The following PPP1CB variants were observed in gnomAD, a reference collection of about 807,000 sequenced individuals.
PPP1CB encodes serine/threonine-protein phosphatase PP1-beta catalytic subunit.
Under a neutral mutation model 43.7 loss-of-function variants are expected in PPP1CB, and 2 were observed. The observed-to-expected ratio is 0.05, with a 90% CI of 0.02 to 0.14. The LOEUF (loss-of-function observed/expected upper bound fraction) is 0.14. PPP1CB is among the 10% of genes least tolerant of loss of function. PPP1CB has a pLI of 1.00. For synonymous variants in PPP1CB, 136 were observed against 135.6 expected (o/e 1.00, Z -0.02); for missense variants, 84 against 398.0 (o/e 0.21, Z 6.71).
At chr2:28,787,304 A>C (rs1464921149) in intron 5 of PPP1CB, among the ~76,000 whole-genome samples, 1 of 151,994 alleles carries the variant, frequency 6.6e-6, no homozygotes, top group Non-Finnish European at 1.5e-5. Context: ...CTAAAAATAC[A>C]AAAAATTAGC....
At chr2:28,795,635 C>T (rs762654737) in intron 7 of PPP1CB, among the ~76,000 whole-genome samples, 8 of 152,000 alleles carry the variant, frequency 5.3e-5, no homozygotes, top group East Asian at 1.9e-4. Context: ...TGTCCTTTGC[C>T]CATTTTTAAT....
At chr2:28,777,115 TA>T (rs1667059173) in intron 2 of PPP1CB, 133 bp downstream of exon 2, 2 of 935,216 alleles carry the variant, frequency 2.1e-6, no homozygotes, top group Non-Finnish European at 3.1e-6. Context: ...TAAAAGTGTA[TA>T]AAAATTGAAA....
chr2:28,779,096 T>C, intron 3 of PPP1CB, 57 bp downstream of exon 3: 2 of 1,353,036 alleles, frequency 1.5e-6, no homozygotes, highest in Non-Finnish European at 2.0e-6. Flanking sequence ...CTAATAATTT[T>C]CTGGTTCAGA....
chr2:28,789,267 C>T (rs1190739294), intron 6 of PPP1CB, among the ~76,000 whole-genome samples: 4 of 151,796 alleles, frequency 2.6e-5, no homozygotes, highest in African/African-American at 9.7e-5. Context: ...AGCACTTTGG[C>T]AAGCTGAGAT....
chr2:28,767,054 C>T (rs1666793305), intron 1 of PPP1CB, among the ~76,000 whole-genome samples: 1 of 151,318 alleles, frequency 6.6e-6, no homozygotes, highest in African/African-American at 2.4e-5. Context: ...GCAGTCCAGC[C>T]TGGGCAACAG....
intron 1 of PPP1CB, among the ~76,000 whole-genome samples, chr2:28,762,453 G>T (rs1179280502): frequency 2.0e-5 from 3 of 152,094 alleles, no homozygotes; most frequent in Non-Finnish European, 4.4e-5. Flanking sequence ...TCTCTGTTTT[G>T]TTTCAGTCTT....
At chr2:28,768,595 T>C (rs974577700) in intron 1 of PPP1CB, among the ~76,000 whole-genome samples, 2 of 152,198 alleles carry the variant, frequency 1.3e-5, no homozygotes, top group African/African-American at 4.8e-5. Context: ...GGCCCCATCA[T>C]GACCACTGCC....
rs780026494 is a variant in PPP1CB, at chr2:28,788,734, C to T, written c.669C>T (p.Ser223=). 1 of 1,613,810 alleles carries T rather than the reference C, an allele frequency of 6.2e-7. No homozygotes were observed. Among genetic ancestry groups the T allele is most frequent in the Non-Finnish European group, 8.5e-7 (1 of 1,179,852 alleles). ...GGGGAGAAAATGATCGTGGTGTTTC[C>T]TTTACTTTTGGAGCTGATGTAGTCA... The part of the protein sequence containing the change: ...QGWGENDRGV[S]FTFGADVVSK... The change falls in exon 6 of 8, where the codon TCC becomes TCT. Residue 223 remains serine (S), a synonymous_variant. Transcript: ENST00000395366.
In PPP1CB at chr2:28,781,735, C is replaced by A; in HGVS notation, c.416-3C>A. The A allele has an allele frequency of 6.3e-7, 1 of 1,588,298 alleles. No homozygotes were observed. Among genetic ancestry groups the A allele is most frequent in the Non-Finnish European group, 8.6e-7 (1 of 1,164,362 alleles). On this transcript the variant is annotated splice_polypyrimidine_tract_variant and splice_region_variant and intron_variant, in intron 3 of 7. Coordinates refer to ENST00000395366, the MANE Select transcript of PPP1CB (RefSeq NM_002709.3). The stretch of plus-strand genomic sequence containing the variant: ...TAATTTATTCTATCTGTTCTTTTTA[C>A]AGGCAAACGAAGATTTAATATTAAA...
intron 5 of PPP1CB, among the ~76,000 whole-genome samples, chr2:28,787,803 C>T (rs1165151257): frequency 6.6e-6 from 1 of 152,140 alleles, no homozygotes; most frequent in Non-Finnish European, 1.5e-5. Flanking sequence ...TGTTTGAATT[C>T]CTCAGAATTC....
At chr2:28,763,621 T>C (rs1666709916) in intron 1 of PPP1CB, among the ~76,000 whole-genome samples, 1 of 152,142 alleles carries the variant, frequency 6.6e-6, no homozygotes, top group African/African-American at 2.4e-5. Flanking sequence ...CTCAGAAAAA[T>C]ATTTTTACAT....
intron 1 of PPP1CB, 111 bp downstream of exon 1, chr2:28,752,287 G>A (rs1666322290): frequency 1.9e-6 from 2 of 1,038,734 alleles, no homozygotes; most frequent in Non-Finnish European, 2.7e-6. Context: ...CCCGAGACGA[G>A]TCTCTGGGAG....
chr2:28,766,897 T>C (rs1666788827), intron 1 of PPP1CB, among the ~76,000 whole-genome samples: 1 of 152,000 alleles, frequency 6.6e-6, no homozygotes, highest in South Asian at 2.1e-4. Context: ...CTGGCTAACA[T>C]GGTGAAACCC....
At chr2:28,789,590 T>G (rs1161135440) in intron 6 of PPP1CB, among the ~76,000 whole-genome samples, 2 of 145,294 alleles carry the variant, frequency 1.4e-5, no homozygotes, top group African/African-American at 5.2e-5. Context: ...AGATATGATT[T>G]AGATTTTTTT....
chr2:28,784,012 A>C (rs1251547222), intron 5 of PPP1CB, 34 bp downstream of exon 5: 2 of 1,500,700 alleles, frequency 1.3e-6, no homozygotes, highest in Middle Eastern at 1.7e-4. Context: ...TGTTTTGTGT[A>C]AAGTGTTTTC....
intron 5 of PPP1CB, among the ~76,000 whole-genome samples, 154 bp from the exon 6 acceptor site, chr2:28,788,504 A>G (rs1414896618): frequency 6.6e-6 from 1 of 152,258 alleles, no homozygotes; most frequent in African/African-American, 2.4e-5. Context: ...TAACAAAAGT[A>G]TAAGTTACAT....
chr2:28,761,268 G>T, intron 1 of PPP1CB, among the ~76,000 whole-genome samples: 1 of 152,118 alleles, frequency 6.6e-6, no homozygotes, highest in Admixed American at 6.5e-5. Context: ...ATGACAGAAA[G>T]GAATAGCTTT....
At chr2:28,778,635 A>C (rs902926471) in intron 2 of PPP1CB, 174 bp from the exon 3 acceptor site, 1 of 587,538 alleles carries the variant, frequency 1.7e-6, no homozygotes, top group East Asian at 2.8e-5. Flanking sequence ...TTTGTAACTT[A>C]ATCTTGGAAG....
chr2:28,757,699 C>T (rs1320954765), intron 1 of PPP1CB, among the ~76,000 whole-genome samples: 1 of 152,070 alleles, frequency 6.6e-6, no homozygotes, highest in Non-Finnish European at 1.5e-5. Context: ...GACATAAGGT[C>T]GTGGCATATT....
Sources: allele counts gnomAD v4.1 joint callset (sites outside exome capture counted in the v4.1 genomes callset), GRCh38; gene constraint gnomAD v4.1.1; transcripts MANE v1.5; gene names NCBI Gene and HGNC (gene_info 2026-07-23, HGNC 2026-07-21).